The following XRN2 variants were observed in gnomAD, a reference collection of about 807,000 sequenced individuals.
XRN2 encodes the protein DHM1-like protein.
A neutral mutation model predicts 138.5 loss-of-function variants in XRN2; 44 were observed. The ratio of observed to expected loss-of-function variants is 0.32; its 90% confidence interval spans 0.25 to 0.41. The LOEUF is 0.41. Ranked by LOEUF, XRN2 falls within the 10% of genes least tolerant of loss-of-function variation. The probability of loss-of-function intolerance (pLI) is 1.00; values close to 1 mark genes in which losing one functional copy is unlikely to be tolerated. For missense variants in XRN2, 937 were observed against 1,169.3 expected, an observed-to-expected ratio of 0.80 and a Z score of 2.90; for synonymous variants, 354 against 369.4, an observed-to-expected ratio of 0.96 and a Z score of 0.48.
intron 21 of XRN2, 103 bp downstream of exon 21, chr20:21,354,975 A>C: frequency 1.2e-6 from 1 of 856,116 alleles, no homozygotes; most frequent in Non-Finnish European, 1.7e-6. Context: ...ATTTCCCATA[A>C]AGGGGATATA....
At chr20:21,368,889 A>C (rs552327581) in intron 27 of XRN2, among the ~76,000 whole-genome samples, 30 of 152,304 alleles carry the variant, frequency 2.0e-4, no homozygotes, top group African/African-American at 7.2e-4. Context: ...CATCACCTCT[A>C]GCATTTATCT....
At position 21,389,803 on chromosome 20, in the gene XRN2, ATAAAGT is replaced by A. The variant is rs1041661850; in HGVS notation, c.*470_*475del. The A allele has an allele frequency of 1.1e-4, 17 of 152,746 alleles. No homozygotes were observed. Among genetic ancestry groups the A allele is most frequent in the African/African-American group, 3.6e-4 (15 of 41,470 alleles). 9.5% of individuals were successfully genotyped at this position (152,746 alleles called of 1,614,324 possible). On this transcript the variant is annotated 3_prime_UTR_variant, in exon 30 of 30. Coordinates refer to ENST00000377191, the MANE Select transcript of XRN2 (RefSeq NM_012255.5). ...AATTTCTGAACTTTAGTAAAAAAAAATAAAGTTAAACTTTTAAAACTCTGTTTTGTG... is the reference window on the plus strand; with the variant it reads ...AATTTCTGAACTTTAGTAAAAAAAAATAAACTTTTAAAACTCTGTTTTGTG...
chr20:21,375,899 C>T (rs1017631255), intron 27 of XRN2, among the ~76,000 whole-genome samples: 35 of 151,568 alleles, frequency 2.3e-4, no homozygotes, highest in African/African-American at 7.8e-4. Flanking sequence ...AGTGCAGTGG[C>T]GCAATCTCGG....
At chr20:21,387,955 G>GACT (rs10672802) in intron 29 of XRN2, among the ~76,000 whole-genome samples, 1 of 151,948 alleles carries the variant, frequency 6.6e-6, no homozygotes, top group African/African-American at 2.4e-5. Flanking sequence ...TTTCTTCTGA[G>GACT]ATTTTGTTAC....
chr20:21,324,023 T>C (rs943775133), intron 1 of XRN2, among the ~76,000 whole-genome samples: 1 of 152,116 alleles, frequency 6.6e-6, no homozygotes, highest in African/African-American at 2.4e-5. Flanking sequence ...TTGGACAGGA[T>C]GAAGGTGGAT....
chr20:21,387,143 CT>C (rs1420918704), intron 29 of XRN2, 137 bp downstream of exon 29: 10 of 1,216,712 alleles, frequency 8.2e-6, no homozygotes, highest in Non-Finnish European at 1.1e-5. Context: ...GAACTTGGGT[CT>C]GTCATTAAAA....
chr20:21,378,999 C>A (rs1489679267), intron 27 of XRN2, among the ~76,000 whole-genome samples: 1 of 152,168 alleles, frequency 6.6e-6, no homozygotes, highest in African/African-American at 2.4e-5. Context: ...AATGTGACTT[C>A]TCTTCATTTT....
At chr20:21,331,730 A>T (rs2038212468) in intron 7 of XRN2, 38 bp from the exon 8 acceptor site, 2 of 1,587,366 alleles carry the variant, frequency 1.3e-6, no homozygotes, top group Admixed American at 3.6e-5. Flanking sequence ...TGTGGTATAT[A>T]ATATATTAAT....
chr20:21,381,938 G>A (rs1267567007), intron 27 of XRN2, 56 bp from the exon 28 acceptor site: 3 of 1,449,498 alleles, frequency 2.1e-6, no homozygotes, highest in Non-Finnish European at 2.8e-6. Context: ...ATATTGGGTA[G>A]TTGAATATTG....
chr20:21,314,543 A>G (rs1018271563), intron 1 of XRN2, among the ~76,000 whole-genome samples: 6 of 152,102 alleles, frequency 3.9e-5, no homozygotes, highest in African/African-American at 1.4e-4. Flanking sequence ...CTGGAGTGCA[A>G]TGGCATGATC....
intron 28 of XRN2, among the ~76,000 whole-genome samples, chr20:21,384,405 TTCCA>T (rs2038916246): frequency 6.6e-6 from 1 of 152,240 alleles, no homozygotes; most frequent in South Asian, 2.1e-4. Context: ...TCCAGTAACT[TTCCA>T]AAACAATTTG....
chr20:21,330,375 C>T (rs1342859916), intron 4 of XRN2, 106 bp from the exon 5 acceptor site: 1 of 1,116,878 alleles, frequency 9.0e-7, no homozygotes, highest in South Asian at 1.6e-5. Context: ...GACGAGACTT[C>T]ACTTTCTTTT....
At position 21,350,525 on chromosome 20, in the gene XRN2, CAAAAAAAAAA is replaced by C. The variant is rs11484426; in HGVS notation, c.1936+1083_1936+1092del. ...TGGGCGACAGAGCAAGACTCCGTCT[CAAAAAAAAAA>C]AAAAAAAAAAAAAAAAAAGAAATAT... On this transcript the variant is annotated intron_variant, in intron 20 of 29. Transcript: ENST00000377191. Among the ~76,000 whole-genome samples, 62 of 58,946 alleles carry C rather than the reference CAAAAAAAAAA, an allele frequency of 1.1e-3. No homozygotes were observed. In the South Asian group the frequency reaches 0.011, roughly 10 times the overall value. The allele number at this position is 58,946 out of a possible 152,430, so 38.7% of individuals were successfully genotyped here. A position where few individuals can be genotyped will look rare whatever the true frequency, so the allele number is the denominator to read the frequency against.
chr20:21,332,352 C>G lies in XRN2; in HGVS notation c.770C>G (p.Pro257Arg). Reference protein sequence around the residue: ...NFTIIREEFKPNKPKPCGLCN... With the variant: ...NFTIIREEFKRNKPKPCGLCN... ...ACCATTATTAGAGAAGAATTCAAAC[C>G]AAACAAGCCCAAACCATGTGGTCTT... is the stretch of plus-strand genomic sequence containing the variant. Residue 257 changes from proline to arginine, a missense_variant, in exon 9 of 30, where the codon CCA (proline) becomes CGA (arginine). Coordinates refer to ENST00000377191, the MANE Select transcript of XRN2 (RefSeq NM_012255.5). 6.2e-7 allele frequency: 1 copy of G among 1,613,620 alleles called. No individual in the cohort carries two copies. The highest frequency in any genetic ancestry group is 8.5e-7 in the Non-Finnish European group (1 of 1,179,772).
At chr20:21,373,646 G>C (rs894002997) in intron 27 of XRN2, among the ~76,000 whole-genome samples, 1 of 152,218 alleles carries the variant, frequency 6.6e-6, no homozygotes, top group Non-Finnish European at 1.5e-5. Flanking sequence ...CCTTGGTGTT[G>C]TCAGTCTTTG....
chr20:21,370,095 C>T (rs1034484503), intron 27 of XRN2, among the ~76,000 whole-genome samples: 2 of 152,118 alleles, frequency 1.3e-5, no homozygotes, highest in Non-Finnish European at 2.9e-5. Flanking sequence ...TTTCCCAGCA[C>T]CATTTATTGA....
At chr20:21,375,010 CTTTTTTTTT>C (rs34212552) in intron 27 of XRN2, among the ~76,000 whole-genome samples, 49 of 44,686 alleles carry the variant, frequency 1.1e-3, no homozygotes, top group East Asian at 1.0e-3. Context: ...TTGGTAAGTT[CTTTTTTTTT>C]TTTTTTTTTT....
chr20:21,349,576 C>A, intron 20 of XRN2, 115 bp downstream of exon 20: 1 of 919,636 alleles, frequency 1.1e-6, no homozygotes, highest in Non-Finnish European at 1.7e-6. Flanking sequence ...AATCTCATTT[C>A]TACAAAAAAT....
intron 21 of XRN2, 81 bp downstream of exon 21, chr20:21,354,953 C>T: frequency 8.8e-7 from 1 of 1,136,504 alleles, no homozygotes; most frequent in Non-Finnish European, 1.2e-6. Flanking sequence ...CCTTCCTTCT[C>T]CTGTTTGTCA....
Sources: allele counts gnomAD v4.1 joint callset (sites outside exome capture counted in the v4.1 genomes callset), GRCh38; gene constraint gnomAD v4.1.1; transcripts MANE v1.5; gene names NCBI Gene and HGNC (gene_info 2026-07-23, HGNC 2026-07-21).